SEMA3A: variants seen among roughly 807,000 people sequenced by gnomAD.
The protein encoded by SEMA3A is semaphorin 3A.
Under a neutral mutation model 97.9 loss-of-function variants are expected in SEMA3A, and 29 were observed. That is an observed-to-expected ratio of 0.30 (90% confidence interval 0.22 to 0.40). The LOEUF is 0.40. SEMA3A is among the 10% of genes least tolerant of loss of function. The pLI is 1.00. For missense variants in SEMA3A, 763 were observed against 951.3 expected, an observed-to-expected ratio of 0.80 and a Z score of 2.60; for synonymous variants, 321 against 323.7, an observed-to-expected ratio of 0.99 and a Z score of 0.09.
intron 6 of SEMA3A, among the ~76,000 whole-genome samples, chr7:84,017,853 C>T (rs1301279773): frequency 6.6e-6 from 1 of 152,062 alleles, no homozygotes; most frequent in Non-Finnish European, 1.5e-5. Context: ...AACTGTCTTC[C>T]CTATTATCTA....
At chr7:84,194,145 A>C (rs1254009313) in intron 1 of SEMA3A, among the ~76,000 whole-genome samples, 1 of 152,178 alleles carries the variant, frequency 6.6e-6, no homozygotes, top group African/African-American at 2.4e-5. Context: ...TCTATTTTTA[A>C]GAAAATATTT....
At chr7:84,066,505 C>T (rs62473955) in intron 4 of SEMA3A, among the ~76,000 whole-genome samples, 3,386 of 145,854 alleles carry the variant, frequency 0.023, 51 homozygotes, top group Non-Finnish European at 0.033. Flanking sequence ...ACGACATGAT[C>T]GTATATCTAG....
chr7:84,051,084 C>A (rs1010333738), intron 5 of SEMA3A, among the ~76,000 whole-genome samples: 1 of 151,038 alleles, frequency 6.6e-6, no homozygotes, highest in Non-Finnish European at 1.5e-5. Flanking sequence ...TGTTTTGGTA[C>A]CAGTACCATG....
chr7:84,338,441 A>G (rs1465858493), intron 2 of SEMA3A, among the ~76,000 whole-genome samples: 1 of 152,068 alleles, frequency 6.6e-6, no homozygotes, highest in African/African-American at 2.4e-5. Flanking sequence ...TGGCATTAGG[A>G]TAGACAATAA....
chr7:84,100,235 C>G (rs1410205013), intron 4 of SEMA3A, among the ~76,000 whole-genome samples: 1 of 152,066 alleles, frequency 6.6e-6, no homozygotes, highest in East Asian at 1.9e-4. Context: ...GAGGTGTGCA[C>G]TAAGTATTTC....
intron 4 of SEMA3A, among the ~76,000 whole-genome samples, chr7:84,065,008 C>T (rs1284535328): frequency 2.0e-5 from 3 of 152,116 alleles, no homozygotes; most frequent in Non-Finnish European, 2.9e-5. Flanking sequence ...AAATTGACCA[C>T]ATACTTGGAA....
chr7:84,459,280 A>C (rs1380178896), intron 1 of SEMA3A, among the ~76,000 whole-genome samples: 1 of 152,146 alleles, frequency 6.6e-6, no homozygotes, highest in Non-Finnish European at 1.5e-5. Context: ...AAAGGATGGA[A>C]TGTAGCTACT....
intron 1 of SEMA3A, among the ~76,000 whole-genome samples, chr7:84,442,294 T>A (rs1032012275): frequency 6.6e-6 from 1 of 152,140 alleles, no homozygotes; most frequent in Admixed American, 6.5e-5. Context: ...ACACAATGTA[T>A]AAAGATGTTA....
At chr7:84,378,672 C>T (rs1430639587) in intron 1 of SEMA3A, among the ~76,000 whole-genome samples, 3 of 151,860 alleles carry the variant, frequency 2.0e-5, no homozygotes, top group African/African-American at 4.8e-5. Context: ...CAAACCTGCA[C>T]GTTCTGCACA....
At chr7:84,009,924 A>AAC (rs996710676) in intron 9 of SEMA3A, among the ~76,000 whole-genome samples, 1 of 150,804 alleles carries the variant, frequency 6.6e-6, no homozygotes, top group African/African-American at 2.4e-5. Flanking sequence ...AAAAAAAAAA[A>AAC]AAAACCCAGT....
intron 2 of SEMA3A, among the ~76,000 whole-genome samples, chr7:84,129,728 T>A (rs1355207677): frequency 6.6e-6 from 1 of 152,008 alleles, no homozygotes; most frequent in Non-Finnish European, 1.5e-5. Flanking sequence ...TTGACTTTTT[T>A]TTTTTTTTGG....
chr7:84,339,694 G>A (rs562065032), intron 2 of SEMA3A, among the ~76,000 whole-genome samples: 1 of 152,162 alleles, frequency 6.6e-6, no homozygotes, highest in East Asian at 1.9e-4. Context: ...TTAACTATAA[G>A]GGCAAAACAT....
At chr7:84,105,250 A>G (rs560320666) in intron 4 of SEMA3A, among the ~76,000 whole-genome samples, 1 of 152,286 alleles carries the variant, frequency 6.6e-6, no homozygotes, top group South Asian at 2.1e-4. Context: ...ATAAATTGAA[A>G]GAAGTAACTC....
intron 1 of SEMA3A, among the ~76,000 whole-genome samples, chr7:84,441,178 TA>T (rs1805264556): frequency 6.7e-6 from 1 of 150,078 alleles, no homozygotes; most frequent in African/African-American, 2.4e-5. Context: ...TAAAATAAAA[TA>T]AAAATAAAAA....
chr7:84,323,043 A>G (rs1801688287), intron 2 of SEMA3A, among the ~76,000 whole-genome samples: 1 of 152,202 alleles, frequency 6.6e-6, no homozygotes, highest in South Asian at 2.1e-4. Context: ...TAAAGTGAGG[A>G]AAATAATAGT....
At position 84,193,899 on chromosome 7, in the gene SEMA3A, A is replaced by G. The variant is rs369890736; in HGVS notation, c.112+576T>C. Reference sequence around the variant, plus strand: ...TTTAGCTTTACACAATTAGCCAAATACAGTCTTTTGTACAATCATAAGGCA... The same window carrying G: ...TTTAGCTTTACACAATTAGCCAAATGCAGTCTTTTGTACAATCATAAGGCA... On this transcript the variant is annotated intron_variant, in intron 1 of 16. Transcript: ENST00000265362. 5.9e-5 allele frequency among the ~76,000 whole-genome samples: 9 copies of G among 152,268 alleles called. 1 individual carries two copies. The highest frequency in any genetic ancestry group is 1.3e-4 in the Admixed American group (2 of 15,286).
chr7:84,111,597 T>C (rs1184210571), intron 3 of SEMA3A, among the ~76,000 whole-genome samples: 1 of 152,212 alleles, frequency 6.6e-6, no homozygotes, highest in East Asian at 1.9e-4. Flanking sequence ...AACCTGATGA[T>C]GACCCTAAAA....
intron 2 of SEMA3A, among the ~76,000 whole-genome samples, chr7:84,324,664 T>C (rs2115923411): frequency 6.6e-6 from 1 of 152,286 alleles, no homozygotes; most frequent in Admixed American, 6.5e-5. Context: ...CAAAATAATT[T>C]CTGAATTTAT....
At chr7:84,148,776 G>T (rs556200680) in intron 1 of SEMA3A, among the ~76,000 whole-genome samples, 2 of 152,106 alleles carry the variant, frequency 1.3e-5, no homozygotes, top group Non-Finnish European at 2.9e-5. Context: ...ACAAGAAGCC[G>T]CTAAGATGAA....
Sources: allele counts gnomAD v4.1 joint callset (sites outside exome capture counted in the v4.1 genomes callset), GRCh38; gene constraint gnomAD v4.1.1; transcripts MANE v1.5; gene names NCBI Gene and HGNC (gene_info 2026-07-23, HGNC 2026-07-21).